PCP4: variants seen among roughly 807,000 people sequenced by gnomAD.
The protein encoded by PCP4 is Purkinje cell protein 4.
In PCP4, 8 loss-of-function variants were observed where a neutral mutation model predicts 10.0. The ratio of observed to expected loss-of-function variants is 0.80; its 90% CI spans 0.47 to 1.45. PCP4 has a LOEUF of 1.45. Ranked by LOEUF, PCP4 falls within the 40% of genes most tolerant of loss-of-function variation. PCP4 has a pLI of 0.00. For missense variants in PCP4, 54 were observed against 74.4 expected (o/e 0.73, Z 1.01); for synonymous variants, 21 against 23.0 (o/e 0.91, Z 0.24).
In PCP4 at chr21:39,906,525, TTC is replaced by T. The variant is rs2146342048; in HGVS notation, c.61+8002_61+8003del. Among the ~76,000 whole-genome samples the T allele has an allele frequency of 6.6e-6, 1 of 151,664 alleles. No homozygotes were observed. Among genetic ancestry groups the T allele is most frequent in the Non-Finnish European group, 1.5e-5 (1 of 67,924 alleles). On this transcript the variant is annotated intron_variant, in intron 2 of 2. Transcript: ENST00000328619. This position sits in a 1 kb window ranked among gnomAD's most constrained non-coding sequence, Gnocchi z 6.3. Reference sequence around the variant, plus strand: ...TTTCACCTGCCCTCTTCCTCACCCTTTCTCTTTCTCCCTCCTTCCTTCCTTCC... The same window carrying T: ...TTTCACCTGCCCTCTTCCTCACCCTTTCTTTCTCCCTCCTTCCTTCCTTCC...
intron 2 of PCP4, among the ~76,000 whole-genome samples, chr21:39,910,048 G>A (rs960035783): frequency 1.3e-5 from 2 of 151,982 alleles, no homozygotes; most frequent in South Asian, 2.1e-4. Context: ...TGCCCGCCTC[G>A]GCCTCCCAAG....
intron 1 of PCP4, among the ~76,000 whole-genome samples, chr21:39,876,739 G>A (rs2146325979): frequency 6.6e-6 from 1 of 152,268 alleles, no homozygotes; most frequent in Admixed American, 6.5e-5. Context: ...AAATTCTAAA[G>A]TCTTCTTTAC....
intron 1 of PCP4, among the ~76,000 whole-genome samples, chr21:39,892,058 G>A (rs913538784): frequency 1.3e-5 from 2 of 152,174 alleles, no homozygotes; most frequent in Non-Finnish European, 2.9e-5. Context: ...CTCCTCCAAG[G>A]AAAGGAGACT....
At chr21:39,894,103 CAGG>C (rs745654400) in intron 1 of PCP4, among the ~76,000 whole-genome samples, 1 of 152,060 alleles carries the variant, frequency 6.6e-6, no homozygotes, top group Non-Finnish European at 1.5e-5. Flanking sequence ...TGGAGATGAT[CAGG>C]AGAAGAATGA....
chr21:39,882,321 AG>A (rs2087379766), intron 1 of PCP4, among the ~76,000 whole-genome samples: 2 of 152,330 alleles, frequency 1.3e-5, no homozygotes, highest in South Asian at 4.1e-4. Context: ...GAGATCATTC[AG>A]GATGGATGAC....
intron 1 of PCP4, among the ~76,000 whole-genome samples, chr21:39,869,032 G>C (rs2087307220): frequency 6.6e-6 from 1 of 152,202 alleles, no homozygotes; most frequent in Non-Finnish European, 1.5e-5. Flanking sequence ...AGAAGCTTCT[G>C]TGTCCACATC....
chr21:39,896,843 A>T (rs2146336643), intron 1 of PCP4, among the ~76,000 whole-genome samples: 1 of 152,182 alleles, frequency 6.6e-6, no homozygotes, highest in East Asian at 1.9e-4. Flanking sequence ...TATTTTTCTG[A>T]TATTGTTTTT....
intron 1 of PCP4, among the ~76,000 whole-genome samples, chr21:39,885,830 T>C (rs1202199331): frequency 2.0e-5 from 3 of 152,256 alleles, no homozygotes; most frequent in Non-Finnish European, 4.4e-5. Context: ...TATGTTGCTG[T>C]CTGAATGTAT....
intron 1 of PCP4, among the ~76,000 whole-genome samples, chr21:39,893,021 G>T (rs1177284563): frequency 6.6e-6 from 1 of 152,102 alleles, no homozygotes; most frequent in Non-Finnish European, 1.5e-5. Context: ...AGGGTAGAAG[G>T]ATGGTTACCC....
Position 39,869,314 on chromosome 21 carries a change from C to T in PCP4, c.9+1804C>T, listed in dbSNP as rs2299744. On this transcript the variant is annotated intron_variant, in intron 1 of 2. Transcript: ENST00000328619. Reference sequence around the variant, plus strand: ...ACTGTGCGGGTCTCCAGGGAGAAAGCGCGTGTTCCAGAGCTCACCTGTGAT... The same window carrying T: ...ACTGTGCGGGTCTCCAGGGAGAAAGTGCGTGTTCCAGAGCTCACCTGTGAT... 3.3e-5 allele frequency among the ~76,000 whole-genome samples: 5 copies of T among 152,314 alleles called. No homozygotes were observed. In the South Asian group the frequency reaches 1.0e-3, roughly 32 times the overall value.
chr21:39,889,299 C>T (rs1351676831), intron 1 of PCP4, among the ~76,000 whole-genome samples: 1 of 152,046 alleles, frequency 6.6e-6, no homozygotes, highest in Non-Finnish European at 1.5e-5. Context: ...ATGACCTGGG[C>T]CCTGACAGCT....
chr21:39,924,781 C>T (rs1318430457), intron 2 of PCP4, among the ~76,000 whole-genome samples: 1 of 152,222 alleles, frequency 6.6e-6, no homozygotes, highest in Admixed American at 6.5e-5. Flanking sequence ...CTCAGACTCT[C>T]ACCTCAGTCT....
intron 1 of PCP4, among the ~76,000 whole-genome samples, chr21:39,883,178 T>C (rs571817134): frequency 8.5e-5 from 13 of 152,306 alleles, no homozygotes; most frequent in African/African-American, 2.4e-4. Context: ...ACACCTACAT[T>C]GATGCATTGT....
chr21:39,892,472 C>T (rs2087437396), intron 1 of PCP4, among the ~76,000 whole-genome samples: 2 of 151,860 alleles, frequency 1.3e-5, no homozygotes, highest in South Asian at 4.2e-4. Flanking sequence ...TAGTCTTCTC[C>T]CTAGAGCCTC....
At chr21:39,873,930 T>G (rs2087332244) in intron 1 of PCP4, among the ~76,000 whole-genome samples, 1 of 152,220 alleles carries the variant, frequency 6.6e-6, no homozygotes. Flanking sequence ...TCTCACTGAA[T>G]TTACTGCTCA....
intron 2 of PCP4, among the ~76,000 whole-genome samples, chr21:39,919,219 C>T (rs757500895): frequency 8.5e-5 from 13 of 152,144 alleles, no homozygotes; most frequent in South Asian, 2.1e-4. Flanking sequence ...TCGGTGTGGC[C>T]GAGGGGATCC....
At chr21:39,907,985 C>T (rs1260555635) in intron 2 of PCP4, among the ~76,000 whole-genome samples, 2 of 152,128 alleles carry the variant, frequency 1.3e-5, no homozygotes, top group East Asian at 3.9e-4. Context: ...GGCCTTTGGG[C>T]CAGGTCACCC....
At chr21:39,908,474 G>A (rs981776732) in intron 2 of PCP4, among the ~76,000 whole-genome samples, 6 of 152,172 alleles carry the variant, frequency 3.9e-5, no homozygotes, top group East Asian at 1.9e-4. Flanking sequence ...TGGGAAATGG[G>A]GAAGGGACTG....
At chr21:39,915,429 T>C (rs1158378121) in intron 2 of PCP4, among the ~76,000 whole-genome samples, 2 of 152,236 alleles carry the variant, frequency 1.3e-5, no homozygotes, top group Admixed American at 1.3e-4. Context: ...TGATGAATTA[T>C]ACACTGATTA....
Sources: gnomAD v4.1 joint callset for allele counts (sites outside exome capture counted in the v4.1 genomes callset) on GRCh38, gnomAD v4.1.1 for gene constraint, Gnocchi (gnomAD v3.1) non-coding constraint, MANE v1.5 for transcripts, NCBI Gene and HGNC (gene_info 2026-07-23, HGNC 2026-07-21) for gene names.